Variants in KCNB2 observed in about 807,000 individuals in gnomAD.
KCNB2 encodes the protein delayed rectifier potassium channel protein.
In KCNB2, 15 loss-of-function variants were observed where a neutral mutation model predicts 61.5. The observed-to-expected ratio is 0.24, with a 90% CI of 0.16 to 0.38. KCNB2 has a LOEUF of 0.38. Ranked by LOEUF, KCNB2 falls within the 10% of genes least tolerant of loss-of-function variation. KCNB2 has a pLI of 1.00. For synonymous variants in KCNB2, 457 were observed against 446.0 expected, an observed-to-expected ratio of 1.02 and a Z score of -0.31; for missense variants, 828 against 1,125.2, an observed-to-expected ratio of 0.74 and a Z score of 3.78.
chr8:72,554,941 G>C (rs1434635211), intron 1 of KCNB2, among the ~76,000 whole-genome samples: 1 of 151,956 alleles, frequency 6.6e-6, no homozygotes, highest in African/African-American at 2.4e-5. Flanking sequence ...AATTATTTAT[G>C]TTCACTCTTA....
At position 72,937,664 on chromosome 8, in the gene KCNB2, G is replaced by A; in HGVS notation, c.2309G>A (p.Gly770Asp). 1 of 1,614,040 alleles carries A rather than the reference G, an allele frequency of 6.2e-7. No homozygotes were observed. The highest frequency in any genetic ancestry group is 8.5e-7 in the Non-Finnish European group (1 of 1,179,992). The change falls in exon 3 of 3, where the codon GGC becomes GAC. Residue 770 changes from glycine to aspartate, a missense_variant. Around this residue, in one of 4 missense-constraint regions of KCNB2, gnomAD observed 559 missense variants for 588.4 expected, o/e 0.95. Transcript: ENST00000523207. ...TPSQGDRPLL[G>D]TEVSAPCQGP... ...TCCCAGGGAGACAGACCCTTGCTGG[G>A]CACTGAGGTTTCAGCGCCTTGTCAG...
chr8:72,578,284 G>A (rs115414931), intron 2 of KCNB2, among the ~76,000 whole-genome samples: 2,199 of 152,206 alleles, frequency 0.014, 35 homozygotes, highest in African/African-American at 0.05. Flanking sequence ...GCAGAAAAAC[G>A]TTAGTAGGTA....
At chr8:72,729,537 A>G (rs1807706549) in intron 2 of KCNB2, among the ~76,000 whole-genome samples, 1 of 152,182 alleles carries the variant, frequency 6.6e-6, no homozygotes, top group Non-Finnish European at 1.5e-5. Flanking sequence ...AGACAAATCC[A>G]TTTTATGAAG....
chr8:72,716,114 A>T (rs1807434169), intron 2 of KCNB2, among the ~76,000 whole-genome samples: 1 of 152,262 alleles, frequency 6.6e-6, no homozygotes, highest in Non-Finnish European at 1.5e-5. Context: ...TAAACAAGGA[A>T]GAAACTGAAT....
intron 2 of KCNB2, among the ~76,000 whole-genome samples, chr8:72,715,748 A>G (rs1203084083): frequency 6.6e-6 from 1 of 152,236 alleles, no homozygotes; most frequent in Non-Finnish European, 1.5e-5. Context: ...CACAATTAAA[A>G]GAACTAGAGA....
chr8:72,864,664 G>C (rs1218117477), intron 2 of KCNB2, among the ~76,000 whole-genome samples: 2 of 152,182 alleles, frequency 1.3e-5, no homozygotes, highest in East Asian at 3.9e-4. Flanking sequence ...TTTGCCAATA[G>C]AGATATGGAA....
chr8:72,711,748 G>A (rs1249860786), intron 2 of KCNB2, among the ~76,000 whole-genome samples: 1 of 86,024 alleles, frequency 1.2e-5, no homozygotes, highest in Non-Finnish European at 2.3e-5. Flanking sequence ...CCAGCACTTT[G>A]GGAGGCCAAG....
At chr8:72,672,653 A>G (rs913784030) in intron 2 of KCNB2, among the ~76,000 whole-genome samples, 3 of 151,970 alleles carry the variant, frequency 2.0e-5, no homozygotes, top group African/African-American at 7.3e-5. Flanking sequence ...TTAATATAAC[A>G]GCAACTGCTT....
chr8:72,833,917 T>C (rs1358810394), intron 2 of KCNB2, among the ~76,000 whole-genome samples: 1 of 152,210 alleles, frequency 6.6e-6, no homozygotes, highest in African/African-American at 2.4e-5. Flanking sequence ...TTTTGTAGAC[T>C]TGCATTTGGC....
intron 2 of KCNB2, among the ~76,000 whole-genome samples, chr8:72,572,791 A>C (rs1806732512): frequency 6.6e-6 from 1 of 152,296 alleles, no homozygotes; most frequent in Admixed American, 6.5e-5. Flanking sequence ...GTACTACGTA[A>C]GTTTTTTTAT....
intron 2 of KCNB2, among the ~76,000 whole-genome samples, chr8:72,832,198 T>A (rs1809709812): frequency 1.3e-5 from 2 of 152,174 alleles, no homozygotes; most frequent in South Asian, 4.1e-4. Context: ...GAGAGAAACT[T>A]GGAAAATTAC....
Position 72,914,686 on chromosome 8 carries a change from A to G in KCNB2, c.580-21249A>G, listed in dbSNP as rs190545048. ...AGGATGAAAGAATTTAAAACAATTT[A>G]ATGGACGATACATTGGTGTTGAGAA... On this transcript the variant is annotated intron_variant, in intron 2 of 2. Coordinates refer to ENST00000523207, the MANE Select transcript of KCNB2 (RefSeq NM_004770.3). Among the ~76,000 whole-genome samples, 384 of 152,340 alleles carry G rather than the reference A, an allele frequency of 2.5e-3. 1 individual carries two copies. Among genetic ancestry groups the G allele is most frequent in the Non-Finnish European group, 4.1e-3 (279 of 68,028 alleles).
At chr8:72,599,112 C>T (rs1466650456) in intron 2 of KCNB2, among the ~76,000 whole-genome samples, 8 of 152,124 alleles carry the variant, frequency 5.3e-5, no homozygotes, top group African/African-American at 4.8e-5. Flanking sequence ...AAAGTTCATA[C>T]GGAACCAAAA....
At chr8:72,619,706 A>T (rs1805685259) in intron 2 of KCNB2, among the ~76,000 whole-genome samples, 1 of 152,150 alleles carries the variant, frequency 6.6e-6, no homozygotes, top group African/African-American at 2.4e-5. Flanking sequence ...ATTTTATTTT[A>T]TCTAAATCTT....
chr8:72,840,998 T>A (rs1022945659), intron 2 of KCNB2, among the ~76,000 whole-genome samples: 1 of 152,202 alleles, frequency 6.6e-6, no homozygotes, highest in African/African-American at 2.4e-5. Context: ...TCCTGAATGG[T>A]ATTGCCTAGG....
intron 2 of KCNB2, among the ~76,000 whole-genome samples, chr8:72,771,568 A>T (rs1808561402): frequency 6.6e-6 from 1 of 152,146 alleles, no homozygotes; most frequent in African/African-American, 2.4e-5. Context: ...TTTGCCATTA[A>T]TTTCATTAAA....
intron 2 of KCNB2, among the ~76,000 whole-genome samples, chr8:72,830,491 A>G (rs1809676651): frequency 2.6e-5 from 4 of 152,196 alleles, no homozygotes; most frequent in Admixed American, 2.6e-4. Context: ...CTCCTTATTC[A>G]TGTAAGAACT....
chr8:72,759,815 A>G lies in KCNB2; in HGVS notation c.580-176120A>G, dbSNP rs76348566. On this transcript the variant is annotated intron_variant, in intron 2 of 2. Transcript: ENST00000523207. ...ATCATTCATGGGAGGATTTATCAGG[A>G]ACCCTTTTAGGATAAGCCCGTTATT... Among the ~76,000 whole-genome samples, 552 of 152,234 alleles carry G rather than the reference A, an allele frequency of 3.6e-3. 5 individuals are homozygous for G. The highest frequency in any genetic ancestry group is 0.013 in the African/African-American group (542 of 41,532).
At chr8:72,837,368 T>C (rs1315721301) in intron 2 of KCNB2, among the ~76,000 whole-genome samples, 1 of 152,212 alleles carries the variant, frequency 6.6e-6, no homozygotes, top group East Asian at 1.9e-4. Flanking sequence ...TTGAGCCCTC[T>C]TGCTCTCCAG....
Sources: allele counts gnomAD v4.1 joint callset (sites outside exome capture counted in the v4.1 genomes callset), GRCh38; gene constraint gnomAD v4.1.1; regional missense constraint gnomAD v4.1.1; transcripts MANE v1.5; gene names NCBI Gene and HGNC (gene_info 2026-07-23, HGNC 2026-07-21).